TMEM50A: variants seen among roughly 807,000 people sequenced by gnomAD.
The protein encoded by TMEM50A is transmembrane protein 50A.
In TMEM50A, 8 loss-of-function variants were observed where a neutral mutation model predicts 23.9. The ratio of observed to expected loss-of-function variants is 0.33; its 90% CI spans 0.20 to 0.60. The LOEUF (loss-of-function observed/expected upper bound fraction) is 0.60. TMEM50A is among the 20% of genes least tolerant of loss of function. The probability of loss-of-function intolerance (pLI) is 0.81; values close to 1 mark genes in which losing one functional copy is unlikely to be tolerated. For synonymous variants in TMEM50A, 55 were observed against 60.4 expected (o/e 0.91, Z 0.41); for missense variants, 178 against 192.7 (o/e 0.92, Z 0.45).
chr1:25,338,624 G>A (rs972042061), intron 1 of TMEM50A, 168 bp downstream of exon 1: 2 of 152,306 alleles, frequency 1.3e-5, no homozygotes, highest in African/African-American at 4.8e-5. Context: ...TCCTCTCCTG[G>A]GTCCGGCGGC....
chr1:25,353,731 C>A (rs1645304257), intron 5 of TMEM50A, among the ~76,000 whole-genome samples: 1 of 152,132 alleles, frequency 6.6e-6, no homozygotes, highest in Admixed American at 6.5e-5. Context: ...GAAATTTCAC[C>A]TTGAGGGACC....
chr1:25,358,592 A>G (rs1245152018), intron 6 of TMEM50A, among the ~76,000 whole-genome samples: 1 of 152,216 alleles, frequency 6.6e-6, no homozygotes, highest in African/African-American at 2.4e-5. Context: ...ATTTTGTAAA[A>G]TCAGTTTGGA....
At chr1:25,341,491 C>T (rs1022485647) in intron 2 of TMEM50A, among the ~76,000 whole-genome samples, 13 of 152,120 alleles carry the variant, frequency 8.5e-5, no homozygotes, top group African/African-American at 2.4e-4. Context: ...CGTGATCCGC[C>T]TGCCTCGGCC....
At chr1:25,340,417 G>C in intron 1 of TMEM50A, 57 bp from the exon 2 acceptor site, 1 of 1,241,086 alleles carries the variant, frequency 8.1e-7, no homozygotes, top group Non-Finnish European at 1.2e-6. Flanking sequence ...TTATTTTTCG[G>C]GCTTGAAGCA....
In TMEM50A at chr1:25,351,654, C is replaced by G; in HGVS notation, c.235C>G (p.Arg79Gly). 6.2e-7 allele frequency: 1 copy of G among 1,613,258 alleles called. No individual in the cohort carries two copies. Among genetic ancestry groups the G allele is most frequent in the Admixed American group, 1.7e-5 (1 of 59,804 alleles). The change falls in exon 4 of 7, where the codon CGA (arginine) becomes GGA (glycine). Residue 79 changes from arginine to glycine, a missense_variant. Arg to Gly is a moderately radical substitution (Grantham distance 125). Coordinates refer to ENST00000374358, the MANE Select transcript of TMEM50A (RefSeq NM_014313.4). The part of the protein sequence containing the change: ...MINAVSNGQV[R>G]GDSYSEGCLG... ...TAATGCAGTATCGAATGGACAAGTC[C>G]GAGGTGATAGTTACAGTGAAGGTTG...
chr1:25,348,191 TATAGTGTCAG>T (rs1324270440), intron 3 of TMEM50A, among the ~76,000 whole-genome samples: 2 of 152,200 alleles, frequency 1.3e-5, no homozygotes, highest in Non-Finnish European at 2.9e-5. Flanking sequence ...ATCTTTTTAT[TATAGTGTCAG>T]ATAGTGTCAG....
intron 5 of TMEM50A, among the ~76,000 whole-genome samples, chr1:25,353,583 T>C (rs1395222655): frequency 6.6e-6 from 1 of 152,238 alleles, no homozygotes; most frequent in Non-Finnish European, 1.5e-5. Flanking sequence ...AGAATTGAGA[T>C]TTATTCAGTT....
intron 6 of TMEM50A, among the ~76,000 whole-genome samples, chr1:25,359,274 A>G (rs1292011152): frequency 6.6e-6 from 1 of 152,210 alleles, no homozygotes; most frequent in African/African-American, 2.4e-5. Flanking sequence ...CCTCATGGCC[A>G]ACCATAATCT....
chr1:25,347,891 T>C lies in TMEM50A; in HGVS notation c.207-3735T>C, dbSNP rs531464361. On this transcript the variant is annotated intron_variant, in intron 3 of 6. Transcript: ENST00000374358. ...CGTAATAATGATGCTGTTAGAATTCTTTTAGAAAGCTGACACCTAAATTTC... is the reference window on the plus strand; with the variant it reads ...CGTAATAATGATGCTGTTAGAATTCCTTTAGAAAGCTGACACCTAAATTTC... Among the ~76,000 whole-genome samples, 4 of 152,374 alleles carry C rather than the reference T, an allele frequency of 2.6e-5. No homozygotes were observed. In the East Asian group the frequency reaches 5.8e-4, roughly 22 times the overall value.
chr1:25,341,379 C>T (rs1349568857), intron 2 of TMEM50A, among the ~76,000 whole-genome samples: 1 of 152,094 alleles, frequency 6.6e-6, no homozygotes, highest in African/African-American at 2.4e-5. Flanking sequence ...CTGCTTCAGC[C>T]TCCCGAGTAG....
chr1:25,345,794 A>ATT (rs112522769), intron 3 of TMEM50A, among the ~76,000 whole-genome samples: 132 of 146,438 alleles, frequency 9.0e-4, no homozygotes, highest in African/African-American at 3.1e-3. Flanking sequence ...TTATTTATTT[A>ATT]TTTTTTTTTT....
chr1:25,351,748 A>G lies in TMEM50A; in HGVS notation c.274+55A>G, dbSNP rs1246327984. On this transcript the variant is annotated intron_variant, in intron 4 of 6. Coordinates refer to ENST00000374358, the MANE Select transcript of TMEM50A (RefSeq NM_014313.4). Reference sequence around the variant, plus strand: ...ACATGCTTAAATCCTTAAGATGAGTATTTCACATGGAAATACCACTTTTCT... The same window carrying G: ...ACATGCTTAAATCCTTAAGATGAGTGTTTCACATGGAAATACCACTTTTCT... 17 of 1,425,218 alleles carry G rather than the reference A, an allele frequency of 1.2e-5. No homozygotes were observed. In the East Asian group the frequency reaches 3.6e-4, roughly 31 times the overall value. 88.3% of individuals were successfully genotyped at this position (1,425,218 alleles called of 1,614,324 possible). A position where few individuals can be genotyped will look rare whatever the true frequency, so the allele number is the denominator to read the frequency against.
chr1:25,345,286 AAT>A (rs1645202908), intron 3 of TMEM50A, among the ~76,000 whole-genome samples: 1 of 152,136 alleles, frequency 6.6e-6, no homozygotes, highest in Non-Finnish European at 1.5e-5. Flanking sequence ...CTCTACTAAA[AAT>A]AATTTAAAAA....
chr1:25,341,359 C>T (rs1409546946), intron 2 of TMEM50A, among the ~76,000 whole-genome samples: 4 of 151,980 alleles, frequency 2.6e-5, no homozygotes, highest in East Asian at 1.9e-4. Flanking sequence ...CCGGGGTTCA[C>T]GCCATTCTCC....
chr1:25,340,221 C>A (rs569042176), intron 1 of TMEM50A, among the ~76,000 whole-genome samples: 1 of 152,122 alleles, frequency 6.6e-6, no homozygotes, highest in South Asian at 2.1e-4. Flanking sequence ...CGGGCATGAA[C>A]CACCACGCCC....
chr1:25,339,095 TG>T (rs1432913337), intron 1 of TMEM50A, among the ~76,000 whole-genome samples: 1 of 152,236 alleles, frequency 6.6e-6, no homozygotes, highest in Non-Finnish European at 1.5e-5. Context: ...AAGTTAAAAA[TG>T]GGAGACGTTG....
At chr1:25,351,391 C>T (rs1023551974) in intron 3 of TMEM50A, among the ~76,000 whole-genome samples, 2 of 152,006 alleles carry the variant, frequency 1.3e-5, no homozygotes, top group Non-Finnish European at 2.9e-5. Flanking sequence ...CACCTGTAAT[C>T]CCAGCTACTC....
chr1:25,361,371 G>A lies in TMEM50A; in HGVS notation c.*666G>A, dbSNP rs181244605. On this transcript the variant is annotated 3_prime_UTR_variant, in exon 7 of 7. Transcript: ENST00000374358. ...GGAAGATGTGACTCAGCCATGACACGTGGTTCTGGTGGGATGCACAGTCAC... is the reference window on the plus strand; with the variant it reads ...GGAAGATGTGACTCAGCCATGACACATGGTTCTGGTGGGATGCACAGTCAC... 1.3e-4 allele frequency: 20 copies of A among 152,362 alleles called. No homozygotes were observed. Among genetic ancestry groups the A allele is most frequent in the African/African-American group, 3.9e-4 (16 of 41,556 alleles). The allele number at this position is 152,362 out of a possible 1,614,324, so 9.4% of individuals were successfully genotyped here.
chr1:25,345,955 G>T (rs1645211331), intron 3 of TMEM50A, among the ~76,000 whole-genome samples: 1 of 151,468 alleles, frequency 6.6e-6, no homozygotes, highest in Non-Finnish European at 1.5e-5. Flanking sequence ...TGCCTGGCTG[G>T]TGTTTGTATT....
Sources: gnomAD v4.1 joint callset for allele counts (sites outside exome capture counted in the v4.1 genomes callset) on GRCh38, gnomAD v4.1.1 for gene constraint, MANE v1.5 for transcripts, NCBI Gene and HGNC (gene_info 2026-07-23, HGNC 2026-07-21) for gene names.